The following LRPAP1 variants were observed in gnomAD, a reference collection of about 807,000 sequenced individuals.
LRPAP1 encodes alpha-2-macroglobulin receptor-associated protein.
Under a neutral mutation model 39.9 loss-of-function variants are expected in LRPAP1, and 41 were observed. The ratio of observed to expected loss-of-function variants is 1.03; its 90% CI spans 0.80 to 1.33. The LOEUF (loss-of-function observed/expected upper bound fraction) is 1.33, where lower values mean the gene tolerates loss of function less well. Ranked by LOEUF, LRPAP1 falls within the 40% of genes most tolerant of loss-of-function variation. The pLI is 0.00. For missense variants in LRPAP1, 565 were observed against 482.3 expected (o/e 1.17, Z -1.61); for synonymous variants, 263 against 212.7 (o/e 1.24, Z -2.06).
At chr4:3,520,641 A>T (rs969759304) in intron 2 of LRPAP1, among the ~76,000 whole-genome samples, 3 of 152,264 alleles carry the variant, frequency 2.0e-5, no homozygotes, top group Non-Finnish European at 4.4e-5. Context: ...TAAGGACCAC[A>T]GGACAGAGGC....
chr4:3,519,275 C>A (rs923408789), intron 3 of LRPAP1, among the ~76,000 whole-genome samples: 2 of 152,226 alleles, frequency 1.3e-5, no homozygotes, highest in Non-Finnish European at 1.5e-5. Flanking sequence ...GGCAGCAGCC[C>A]GGTGACCCCG....
intron 1 of LRPAP1, among the ~76,000 whole-genome samples, chr4:3,530,149 T>TCCTCCTG (rs1730205534): frequency 6.6e-6 from 1 of 151,966 alleles, no homozygotes. Context: ...TGACTGTGGC[T>TCCTCCTG]CCTCCTGCCT....
In LRPAP1 at chr4:3,518,934, G is replaced by C. The variant is rs769408297; in HGVS notation, c.529C>G (p.Leu177Val). Residue 177 changes from leucine to valine, a missense_variant, in exon 4 of 8, where the codon CTG becomes GTG. Leu to Val is a conservative substitution (Grantham distance 32). Coordinates refer to ENST00000650182, the MANE Select transcript of LRPAP1 (RefSeq NM_002337.4). Reference protein sequence around the residue: ...EELDKLWREFLHHKEKVHEYN... With the variant: ...EELDKLWREFVHHKEKVHEYN... ...TCGTGAACTTTCTCTTTGTGATGCA[G>C]GAACTCCCGCCAGAGCTTGTCCAGT... The C allele has an allele frequency of 7.4e-6, 12 of 1,613,732 alleles. No homozygotes were observed. In the African/African-American group the frequency reaches 1.5e-4, roughly 20 times the overall value.
At chr4:3,525,087 C>G (rs2108695095) in intron 1 of LRPAP1, 36 bp from the exon 2 acceptor site, 1 of 1,610,532 alleles carries the variant, frequency 6.2e-7, no homozygotes, top group African/African-American at 1.3e-5. Context: ...GAGCCACGAG[C>G]AGGACGGACC....
At position 3,507,301 on chromosome 4, in the gene LRPAP1, C is replaced by T. The variant is rs1015272249; in HGVS notation, c.*5673G>A. ...GTAGGCCCTTCCCAAAGACGCCACC[C>T]AAATGGCCAAGAGCAGACAAAAAGG... On this transcript the variant is annotated 3_prime_UTR_variant, in exon 8 of 8. Coordinates refer to ENST00000650182, the MANE Select transcript of LRPAP1 (RefSeq NM_002337.4). 1 of 152,154 alleles carries T rather than the reference C, an allele frequency of 6.6e-6. No homozygotes were observed. The highest frequency in any genetic ancestry group is 6.5e-5 in the Admixed American group (1 of 15,268). The allele number at this position is 152,154 out of a possible 1,614,324, so 9.4% of individuals were successfully genotyped here. A position where few individuals can be genotyped will look rare whatever the true frequency, so the allele number is the denominator to read the frequency against.
intron 1 of LRPAP1, 48 bp downstream of exon 1, chr4:3,532,161 C>T (rs1730275616): frequency 1.9e-6 from 3 of 1,539,666 alleles, no homozygotes; most frequent in Non-Finnish European, 1.8e-6. Flanking sequence ...ACCCCAACCA[C>T]GGCCCCCGCC....
At chr4:3,516,473 G>A (rs1167139121) in intron 5 of LRPAP1, among the ~76,000 whole-genome samples, 2 of 130,372 alleles carry the variant, frequency 1.5e-5, no homozygotes, top group Non-Finnish European at 3.3e-5. Context: ...CTCCATCAGA[G>A]CCTGGGAAGC....
chr4:3,527,365 G>A (rs1730108470), intron 1 of LRPAP1, among the ~76,000 whole-genome samples: 1 of 152,226 alleles, frequency 6.6e-6, no homozygotes, highest in Admixed American at 6.5e-5. Flanking sequence ...CCAGCAGGAG[G>A]ACCCAGGACA....
chr4:3,515,452 C>T (rs1729662276), intron 6 of LRPAP1, among the ~76,000 whole-genome samples: 1 of 152,208 alleles, frequency 6.6e-6, no homozygotes, highest in Non-Finnish European at 1.5e-5. Context: ...TGACCCCTTT[C>T]TGGGGGAGGT....
rs373510897 is a variant in LRPAP1, at chr4:3,525,034, C to T, written c.222G>A (p.Val74=). ...GATCAGCGTGGAGCTCGGCCAGCCT[C>T]ACGGGAGGAAGATGCAGCTGCGAAC... ...EKAQRLHLPP[V]RLAELHADLK... Residue 74 remains valine (V), a synonymous_variant, in exon 2 of 8, where the codon GTG becomes GTA. Transcript: ENST00000650182. 1.7e-4 allele frequency: 268 copies of T among 1,614,034 alleles called. 3 individuals carry two copies. In the South Asian group the frequency reaches 2.2e-3, roughly 13 times the overall value.
chr4:3,519,240 C>T lies in LRPAP1; in HGVS notation c.472-249G>A, dbSNP rs529565519. On this transcript the variant is annotated intron_variant, in intron 3 of 7. Transcript: ENST00000650182. ...CTACCGAGCTGGCTGGGGTGGGGAG[C>T]AGAAGATCCCAAGGAGGGGGACAGG... 1.1e-4 allele frequency among the ~76,000 whole-genome samples: 16 copies of T among 152,344 alleles called. No homozygotes were observed. In the South Asian group the frequency reaches 2.9e-3, roughly 28 times the overall value.
chr4:3,520,367 C>T, intron 2 of LRPAP1, 174 bp from the exon 3 acceptor site: 1 of 664,208 alleles, frequency 1.5e-6, no homozygotes, highest in South Asian at 2.0e-5. Context: ...AGAATGTAAA[C>T]AAGCGTGGGG....
chr4:3,524,882 T>C (rs771326374), intron 2 of LRPAP1, 25 bp downstream of exon 2: 2 of 1,609,426 alleles, frequency 1.2e-6, no homozygotes, highest in Non-Finnish European at 1.7e-6. Context: ...ATACTCGACC[T>C]GCATTAGGAA....
chr4:3,512,641 T>A lies in LRPAP1; in HGVS notation c.*333A>T, dbSNP rs77768479. 2.6e-3 allele frequency: 793 copies of A among 310,698 alleles called. 5 individuals carry two copies. The highest frequency in any genetic ancestry group is 0.015 in the African/African-American group (729 of 47,066). 19.2% of individuals were successfully genotyped at this position (310,698 alleles called of 1,614,324 possible). On this transcript the variant is annotated 3_prime_UTR_variant, in exon 8 of 8. Transcript: ENST00000650182. ...CCGGTGGCAGATGTGTAAGATTTTT[T>A]ATGTAAATCGTGTTGTTTTAGCAGA...
chr4:3,522,826 C>G (rs1158224059), intron 2 of LRPAP1, among the ~76,000 whole-genome samples: 2 of 152,126 alleles, frequency 1.3e-5, no homozygotes, highest in Non-Finnish European at 1.5e-5. Context: ...CAGGGCAGGG[C>G]AGAGTGGAGC....
rs771759982 is a variant in LRPAP1, at chr4:3,505,056, G to A, written c.*7918C>T. On this transcript the variant is annotated 3_prime_UTR_variant, in exon 8 of 8. Transcript: ENST00000650182. Reference sequence around the variant, plus strand: ...ACTTTAGGGATGGTTAGTGATACCAGAGGCTAAAATAATCATGTGCCCTAC... The same window carrying A: ...ACTTTAGGGATGGTTAGTGATACCAAAGGCTAAAATAATCATGTGCCCTAC... 6.6e-6 allele frequency among the ~76,000 whole-genome samples: 1 copy of A among 152,178 alleles called. No homozygotes were observed. The highest frequency in any genetic ancestry group is 1.5e-5 in the Non-Finnish European group (1 of 68,028).
chr4:3,505,976 G>A lies in LRPAP1; in HGVS notation c.*6998C>T, dbSNP rs1729342891. 6.6e-6 allele frequency among the ~76,000 whole-genome samples: 1 copy of A among 152,090 alleles called. No individual in the cohort carries two copies. ...TTCATGTACTTCCAGCCCCGGAGGA[G>A]CTGAACCTAGAGATACCTGGAAACC... is the stretch of plus-strand genomic sequence containing the variant. On this transcript the variant is annotated 3_prime_UTR_variant, in exon 8 of 8. Coordinates refer to ENST00000650182, the MANE Select transcript of LRPAP1 (RefSeq NM_002337.4).
chr4:3,518,827 A>T (rs1273418664), intron 4 of LRPAP1, 44 bp downstream of exon 4: 7 of 747,354 alleles, frequency 9.4e-6, no homozygotes, highest in African/African-American at 5.6e-5. Flanking sequence ...GGGGGGCAGG[A>T]GGGGGTGGGG....
chr4:3,521,479 C>T (rs1297831125), intron 2 of LRPAP1, among the ~76,000 whole-genome samples: 1 of 152,174 alleles, frequency 6.6e-6, no homozygotes, highest in Admixed American at 6.5e-5. Flanking sequence ...CCCAAAGGTC[C>T]ATCCTCTGTC....
Sources: gnomAD v4.1 joint callset for allele counts (sites outside exome capture counted in the v4.1 genomes callset) on GRCh38, gnomAD v4.1.1 for gene constraint, MANE v1.5 for transcripts, NCBI Gene and HGNC (gene_info 2026-07-23, HGNC 2026-07-21) for gene names.